Variants in FAM118A observed in about 807,000 individuals in gnomAD.
FAM118A encodes the protein SIR2 antiphage like 2.
FAM118A carries 25 observed loss-of-function variants against 38.2 expected under a neutral mutation model. That is an observed-to-expected ratio of 0.65 (90% CI 0.48 to 0.91). The LOEUF is 0.91. FAM118A is among the 40% of genes least tolerant of loss of function. The pLI is 0.00. For missense variants in FAM118A, 425 were observed against 463.3 expected (o/e 0.92, Z 0.76); for synonymous variants, 178 against 184.1 (o/e 0.97, Z 0.27).
intron 8 of FAM118A, chr22:45,337,949 C>A: frequency 1.1e-6 from 1 of 940,784 alleles, no homozygotes; most frequent in South Asian, 4.9e-5. Flanking sequence ...TGATGGGAAC[C>A]TGTTCCCAGT....
In FAM118A at chr22:45,330,662, C is replaced by T. The variant is rs547519259; in HGVS notation, c.582C>T (p.Tyr194=). 11 of 1,604,428 alleles carry T rather than the reference C, an allele frequency of 6.9e-6. No individual in the cohort carries two copies. Among genetic ancestry groups the T allele is most frequent in the Non-Finnish European group, 9.3e-6 (11 of 1,176,746 alleles). ...GCGTCCTCCACATTCACGGCCTCTACACGGACCCCTGCGGGGTGGTGCTGG... is the reference window on the plus strand; with the variant it reads ...GCGTCCTCCACATTCACGGCCTCTATACGGACCCCTGCGGGGTGGTGCTGG... The part of the protein sequence containing the change: ...KYGVLHIHGL[Y]TDPCGVVLDP... Residue 194 remains tyrosine, a synonymous_variant, in exon 5 of 9, where the codon TAC becomes TAT. Coordinates refer to ENST00000441876, the MANE Select transcript of FAM118A (RefSeq NM_017911.4).
At chr22:45,312,868 A>G (rs2084433364) in intron 1 of FAM118A, among the ~76,000 whole-genome samples, 1 of 152,190 alleles carries the variant, frequency 6.6e-6, no homozygotes, top group South Asian at 2.1e-4. Flanking sequence ...TCTCTCAGGA[A>G]GCTCTCAGAA....
chr22:45,330,546 T>C, intron 4 of FAM118A, 57 bp from the exon 5 acceptor site: 2 of 1,463,588 alleles, frequency 1.4e-6, no homozygotes, highest in Non-Finnish European at 1.8e-6. Context: ...TATTTTCTTC[T>C]CTCTGTTTGA....
Position 45,323,295 on chromosome 22 carries a change from C to G in FAM118A, c.168C>G (p.Ile56Met), listed in dbSNP as rs201830437. Residue 56 changes from isoleucine to methionine, a missense_variant, in exon 3 of 9, where the codon ATC (isoleucine) becomes ATG (methionine). Ile to Met is a conservative substitution (Grantham distance 10, BLOSUM62 1). Coordinates refer to ENST00000441876, the MANE Select transcript of FAM118A (RefSeq NM_017911.4). The part of the protein sequence containing the change: ...IPALCSWRSC[I>M]EAVIEAAEQL... ...CCCTTTGCTCGTGGAGAAGCTGCATCGAGGCCGTCATCGAGGCTGCAGAGC... is the reference window on the plus strand; with the variant it reads ...CCCTTTGCTCGTGGAGAAGCTGCATGGAGGCCGTCATCGAGGCTGCAGAGC... The G allele has an allele frequency of 6.2e-7, 1 of 1,614,044 alleles. No homozygotes were observed. Among genetic ancestry groups the G allele is most frequent in the Non-Finnish European group, 8.5e-7 (1 of 1,180,016 alleles).
intron 3 of FAM118A, among the ~76,000 whole-genome samples, chr22:45,324,454 A>G (rs2085112722): frequency 1.3e-5 from 2 of 152,206 alleles, no homozygotes; most frequent in African/African-American, 4.8e-5. Flanking sequence ...CTGAAGTCAC[A>G]TACACCGCTT....
chr22:45,314,139 T>G (rs2084499582), intron 1 of FAM118A, among the ~76,000 whole-genome samples: 1 of 152,204 alleles, frequency 6.6e-6, no homozygotes, highest in South Asian at 2.1e-4. Flanking sequence ...CTGCAGCATC[T>G]CCTTGTCAGG....
intron 1 of FAM118A, chr22:45,318,471 G>C (rs536142165): frequency 1.3e-5 from 2 of 152,334 alleles, no homozygotes; most frequent in Admixed American, 1.3e-4. Flanking sequence ...GATGGGAGCA[G>C]AACGCTGGAG....
rs778589312 is a variant in FAM118A, at chr22:45,327,832, C to T, written c.301-10C>T. ...GATGTTTTGGTAACTGTCGTTCCAC[C>T]TTTTTGTAGCGCACAGGCGATGCCA... On this transcript the variant is annotated splice_polypyrimidine_tract_variant and intron_variant, in intron 3 of 8. Transcript: ENST00000441876. 1 of 1,614,008 alleles carries T rather than the reference C, an allele frequency of 6.2e-7. No individual in the cohort carries two copies.
chr22:45,328,554 C>T, intron 4 of FAM118A: 1 of 702,224 alleles, frequency 1.4e-6, no homozygotes, highest in Non-Finnish European at 2.6e-6. Context: ...ATTGCTTGAG[C>T]CCAGGAGTTC....
chr22:45,330,800 G>C lies in FAM118A; in HGVS notation c.651+69G>C, dbSNP rs2085653172. ...TACTGGTGGCCACTGGCCATTGGCT[G>C]CAGTTGAGTGGCTTCCCAGGCTCCA... On this transcript the variant is annotated intron_variant, in intron 5 of 8. Transcript: ENST00000441876. The C allele has an allele frequency of 4.9e-6, 7 of 1,424,744 alleles. No individual in the cohort carries two copies. The South Asian group carries it at 1.0e-4, about 20-fold the overall frequency. 88.3% of individuals were successfully genotyped at this position (1,424,744 alleles called of 1,614,324 possible). A position where few individuals can be genotyped will look rare whatever the true frequency, so the allele number is the denominator to read the frequency against.
chr22:45,319,839 C>CG (rs760922374), intron 1 of FAM118A, among the ~76,000 whole-genome samples: 12 of 152,262 alleles, frequency 7.9e-5, no homozygotes, highest in Non-Finnish European at 1.5e-4. Context: ...AGCCCCAGCC[C>CG]GGACTCTGCC....
chr22:45,336,399 C>G lies in FAM118A; in HGVS notation c.1042C>G (p.Gln348Glu). 6.2e-7 allele frequency: 1 copy of G among 1,613,300 alleles called. No homozygotes were observed. The highest frequency in any genetic ancestry group is 2.2e-5 in the East Asian group (1 of 44,872). ...NGIEVSKKRT[Q>E]SDTDDAGGS ...AATTGAAGTTTCAAAAAAACGCACA[C>G]AATCAGATACTGGTATTGTGTCTGT... Residue 348 changes from glutamine (Q) to glutamate (E), a missense_variant, in exon 8 of 9, where the codon CAA becomes GAA. Coordinates refer to ENST00000441876, the MANE Select transcript of FAM118A (RefSeq NM_017911.4).
chr22:45,326,110 G>A (rs950001543), intron 3 of FAM118A, among the ~76,000 whole-genome samples: 10 of 152,134 alleles, frequency 6.6e-5, no homozygotes, highest in Admixed American at 3.9e-4. Flanking sequence ...CCCAGGTGCC[G>A]AGGCAGAGGG....
At chr22:45,315,507 G>A (rs915973518) in intron 1 of FAM118A, among the ~76,000 whole-genome samples, 3 of 152,180 alleles carry the variant, frequency 2.0e-5, no homozygotes, top group Non-Finnish European at 4.4e-5. Flanking sequence ...AACAGACACT[G>A]TACACTTTAT....
At chr22:45,321,977 C>A (rs2084905921) in intron 1 of FAM118A, 2 of 324,090 alleles carry the variant, frequency 6.2e-6, no homozygotes, top group Non-Finnish European at 1.2e-5. Context: ...CTTTGTTGTG[C>A]CGCTTGCTGT....
At position 45,335,398 on chromosome 22, in the gene FAM118A, C is replaced by A. The variant is rs190616450; in HGVS notation, c.970+16C>A. ...ACATTATTGGGTAAAGCAGATCTTT[C>A]TTCTTGCCAGCCTGTTTTTTGCCTA... On this transcript the variant is annotated intron_variant, in intron 7 of 8. Coordinates refer to ENST00000441876, the MANE Select transcript of FAM118A (RefSeq NM_017911.4). The A allele has an allele frequency of 6.9e-5, 111 of 1,614,122 alleles. No individual in the cohort carries two copies. Among genetic ancestry groups the A allele is most frequent in the Admixed American group, 5.3e-4 (32 of 60,022 alleles).
upstream of FAM118A, chr22:45,309,170 G>T (rs533297405): frequency 6.6e-6 from 1 of 152,366 alleles, no homozygotes; most frequent in South Asian, 2.1e-4. Flanking sequence ...TCGAACCTAA[G>T]CTGGGGAAGA....
At chr22:45,336,983 G>A (rs1457858636) in intron 8 of FAM118A, among the ~76,000 whole-genome samples, 3 of 152,218 alleles carry the variant, frequency 2.0e-5, no homozygotes, top group Non-Finnish European at 4.4e-5. Context: ...CAGTGTATTT[G>A]AATAGGCCTC....
Position 45,323,228 on chromosome 22 carries a change from T to C in FAM118A, c.101T>C (p.Ile34Thr). The C allele has an allele frequency of 6.2e-7, 1 of 1,614,194 alleles. No individual in the cohort carries two copies. Among genetic ancestry groups the C allele is most frequent in the Middle Eastern group, 1.6e-4 (1 of 6,062 alleles). The change falls in exon 3 of 9, where the codon ATC (isoleucine) becomes ACC (threonine). Residue 34 changes from isoleucine (I) to threonine (T), a missense_variant. Coordinates refer to ENST00000441876, the MANE Select transcript of FAM118A (RefSeq NM_017911.4). The part of the protein sequence containing the change: ...RKQPQELLLV[I>T]GTGVSAAVAP... ...CAGCCCCAGGAACTGCTCCTGGTTA[T>C]CGGGACTGGCGTCAGCGCAGCAGTG...
Sources: allele counts gnomAD v4.1 joint callset (sites outside exome capture counted in the v4.1 genomes callset), GRCh38; gene constraint gnomAD v4.1.1; transcripts MANE v1.5; gene names NCBI Gene and HGNC (gene_info 2026-07-23, HGNC 2026-07-21).